RABGAP1L: variants seen among roughly 807,000 people sequenced by gnomAD.
The protein encoded by RABGAP1L is rab GTPase-activating protein 1-like.
In RABGAP1L, 63 loss-of-function variants were observed where a neutral mutation model predicts 137.7. The observed-to-expected ratio is 0.46, with a 90% CI of 0.37 to 0.56. The LOEUF (loss-of-function observed/expected upper bound fraction) is 0.56, where lower values mean the gene tolerates loss of function less well. RABGAP1L is among the 20% of genes least tolerant of loss of function. The probability of loss-of-function intolerance (pLI) is 0.00; values close to 1 mark genes in which losing one functional copy is unlikely to be tolerated. For missense variants in RABGAP1L, 1,095 were observed against 1,244.0 expected (o/e 0.88, Z 1.80); for synonymous variants, 431 against 433.7 (o/e 0.99, Z 0.08).
At chr1:174,415,007 G>C (rs1222961216) in intron 13 of RABGAP1L, among the ~76,000 whole-genome samples, 14 of 151,880 alleles carry the variant, frequency 9.2e-5, no homozygotes, top group African/African-American at 2.4e-5. Context: ...GAAATTTCTT[G>C]AGCTTCTTCA....
At chr1:174,843,315 GTGCTGCA>G (rs1296116225) in intron 19 of RABGAP1L, among the ~76,000 whole-genome samples, 1 of 148,490 alleles carries the variant, frequency 6.7e-6, no homozygotes, top group Non-Finnish European at 1.5e-5. Flanking sequence ...CCATGCTGGT[GTGCTGCA>G]CCCACTAACT....
At chr1:174,425,812 A>G (rs1251992902) in intron 13 of RABGAP1L, among the ~76,000 whole-genome samples, 2 of 152,038 alleles carry the variant, frequency 1.3e-5, no homozygotes, top group Admixed American at 1.3e-4. Flanking sequence ...AGATATAAAG[A>G]CATTCCAGGG....
At chr1:174,773,571 G>A (rs972933943) in intron 18 of RABGAP1L, among the ~76,000 whole-genome samples, 5 of 152,170 alleles carry the variant, frequency 3.3e-5, no homozygotes, top group African/African-American at 9.7e-5. Flanking sequence ...TTCAAAGATA[G>A]TTGTCCCAAT....
chr1:174,659,040 A>G (rs1676179858), intron 14 of RABGAP1L, among the ~76,000 whole-genome samples: 1 of 152,194 alleles, frequency 6.6e-6, no homozygotes, highest in African/African-American at 2.4e-5. Context: ...AGGCAGCTCC[A>G]TATTCATTCC....
chr1:174,923,975 T>C (rs148737890), intron 19 of RABGAP1L, among the ~76,000 whole-genome samples: 16 of 152,244 alleles, frequency 1.1e-4, no homozygotes, highest in African/African-American at 3.4e-4. Context: ...TAGTCAAAAC[T>C]TACACTGCTG....
chr1:174,403,975 A>C (rs1214238960), intron 13 of RABGAP1L, among the ~76,000 whole-genome samples: 1 of 152,164 alleles, frequency 6.6e-6, no homozygotes, highest in Non-Finnish European at 1.5e-5. Context: ...TCAAGACTAG[A>C]AGGCAGGTAT....
chr1:174,831,336 C>T (rs1459450683), intron 19 of RABGAP1L, among the ~76,000 whole-genome samples: 1 of 148,162 alleles, frequency 6.7e-6, no homozygotes. Flanking sequence ...CCTTTAAATT[C>T]ATATATTCCA....
intron 11 of RABGAP1L, among the ~76,000 whole-genome samples, chr1:174,369,312 C>T (rs1558172977): frequency 6.6e-6 from 1 of 152,146 alleles, no homozygotes; most frequent in Non-Finnish European, 1.5e-5. Flanking sequence ...ATCTCAGCCT[C>T]CTGAGTAGCT....
At chr1:174,927,166 A>G (rs1301952355) in intron 19 of RABGAP1L, among the ~76,000 whole-genome samples, 1 of 151,876 alleles carries the variant, frequency 6.6e-6, no homozygotes, top group African/African-American at 2.4e-5. Context: ...ACTGTTAAAG[A>G]TTTTGTGTGC....
intron 19 of RABGAP1L, among the ~76,000 whole-genome samples, chr1:174,928,443 G>T (rs1663188441): frequency 6.6e-6 from 1 of 151,576 alleles, no homozygotes. Context: ...ACACAGTGAA[G>T]GTATTCAGTT....
chr1:174,222,650 T>C (rs971442800), intron 3 of RABGAP1L, among the ~76,000 whole-genome samples: 3 of 150,564 alleles, frequency 2.0e-5, no homozygotes, highest in African/African-American at 7.3e-5. Context: ...TAAAATGCGT[T>C]ACCATCAAGA....
At chr1:174,445,813 GT>G (rs1245728893) in intron 13 of RABGAP1L, among the ~76,000 whole-genome samples, 1 of 152,078 alleles carries the variant, frequency 6.6e-6, no homozygotes, top group Non-Finnish European at 1.5e-5. Flanking sequence ...TATTTTTTCT[GT>G]CTTGTCCATA....
chr1:174,457,195 C>G (rs1396309005), intron 13 of RABGAP1L, among the ~76,000 whole-genome samples: 1 of 151,992 alleles, frequency 6.6e-6, no homozygotes, highest in Non-Finnish European at 1.5e-5. Flanking sequence ...TGCTATAGTT[C>G]TAAAGGATAC....
chr1:174,943,917 A>T (rs548572746), intron 19 of RABGAP1L, among the ~76,000 whole-genome samples: 1 of 152,210 alleles, frequency 6.6e-6, no homozygotes, highest in Non-Finnish European at 1.5e-5. Context: ...TTTACCTGCT[A>T]CATAGTAAAT....
chr1:174,614,076 A>C (rs1443310452), intron 13 of RABGAP1L, among the ~76,000 whole-genome samples: 1 of 152,090 alleles, frequency 6.6e-6, no homozygotes, highest in Non-Finnish European at 1.5e-5. Flanking sequence ...TAATATTGTT[A>C]TGTGTGAATT....
intron 19 of RABGAP1L, among the ~76,000 whole-genome samples, chr1:174,906,178 T>G (rs1334168952): frequency 1.3e-5 from 2 of 152,086 alleles, no homozygotes; most frequent in Non-Finnish European, 2.9e-5. Flanking sequence ...CCAACTCGCC[T>G]GGCTAATTTT....
intron 16 of RABGAP1L, 124 bp from the exon 17 acceptor site, chr1:174,701,989 A>G (rs1024540757): frequency 1.2e-6 from 1 of 805,826 alleles, no homozygotes; most frequent in Non-Finnish European, 1.9e-6. Context: ...ATACAAGACA[A>G]CCAATACTAG....
chr1:174,331,178 A>G (rs1680996651), intron 11 of RABGAP1L, among the ~76,000 whole-genome samples: 1 of 152,222 alleles, frequency 6.6e-6, no homozygotes, highest in Non-Finnish European at 1.5e-5. Context: ...TCTGTATGTA[A>G]GTCAATTCAA....
intron 11 of RABGAP1L, among the ~76,000 whole-genome samples, chr1:174,366,382 C>T (rs1272597076): frequency 6.6e-6 from 1 of 152,132 alleles, no homozygotes; most frequent in Non-Finnish European, 1.5e-5. Flanking sequence ...TCCTCCAAGG[C>T]CCTATGGGAC....
Sources: gnomAD v4.1 joint callset for allele counts (sites outside exome capture counted in the v4.1 genomes callset) on GRCh38, gnomAD v4.1.1 for gene constraint, MANE v1.5 for transcripts, NCBI Gene and HGNC (gene_info 2026-07-23, HGNC 2026-07-21) for gene names.